Variants in FCRL4 observed in about 807,000 individuals in gnomAD.
FCRL4 encodes the protein Fc receptor-like protein 4.
FCRL4 carries 43 observed loss-of-function variants against 64.1 expected under a neutral mutation model. The ratio of observed to expected loss-of-function variants is 0.67; its 90% confidence interval spans 0.53 to 0.87. The LOEUF (loss-of-function observed/expected upper bound fraction) is 0.87, where lower values mean the gene tolerates loss of function less well. FCRL4 is among the 40% of genes least tolerant of loss of function. The pLI, the probability that FCRL4 is intolerant of heterozygous loss-of-function variation, is 0.00. For missense variants in FCRL4, 656 were observed against 613.5 expected, an observed-to-expected ratio of 1.07 and a Z score of -0.73; for synonymous variants, 253 against 239.8, an observed-to-expected ratio of 1.05 and a Z score of -0.51.
At chr1:157,596,435 T>C (rs1423325385) in intron 1 of FCRL4, 87 bp from the exon 2 acceptor site, 66 of 1,438,982 alleles carry the variant, frequency 4.6e-5, no homozygotes, top group Non-Finnish European at 6.3e-5. Flanking sequence ...ATATGCTACT[T>C]CCAACCAAGA....
Position 157,586,305 on chromosome 1 carries a change from C to T in FCRL4, c.998G>A (p.Gly333Glu). The T allele has an allele frequency of 6.2e-7, 1 of 1,613,940 alleles. No homozygotes were observed. Among genetic ancestry groups the T allele is most frequent in the Non-Finnish European group, 8.5e-7 (1 of 1,179,986 alleles). ...TCTCAGGGAACGCTGAGTTTTCCTC[C>T]CCAGACTCTCCTGCATGTCCTCTCG... ...WHREDMQESL[G>E]RKTQRSLRAE... The change falls in exon 6 of 12, where the codon GGG becomes GAG. Residue 333 changes from glycine (G) to glutamate (E), a missense_variant. Gly to Glu is a moderately conservative substitution (Grantham distance 98). Transcript: ENST00000271532.
chr1:157,577,365 T>G (rs1652439415), intron 10 of FCRL4, among the ~76,000 whole-genome samples: 1 of 152,202 alleles, frequency 6.6e-6, no homozygotes, highest in Non-Finnish European at 1.5e-5. Flanking sequence ...AAGATCTCAA[T>G]TTGTTAGTGG....
chr1:157,596,486 G>A (rs1652969590), intron 1 of FCRL4, 138 bp from the exon 2 acceptor site: 5 of 987,990 alleles, frequency 5.1e-6, no homozygotes, highest in Non-Finnish European at 4.7e-6. Flanking sequence ...CCAGGGAAGC[G>A]GGGAAACACA....
chr1:157,578,823 G>T lies in FCRL4; in HGVS notation c.1307C>A (p.Ser436Tyr). Residue 436 changes from serine to tyrosine, a missense_variant, in exon 9 of 12, where the codon TCC becomes TAC. Transcript: ENST00000271532. ...RLPPAPGPGE[S>Y]SHSICPAQVE... ...CTGGGCAGGGCAGATGGAATGGGAG[G>T]ACTCTCCTGGGCCTGGAGCGGGAGG... is the stretch of plus-strand genomic sequence containing the variant. 1.2e-6 allele frequency: 2 copies of T among 1,613,790 alleles called. No homozygotes were observed. The highest frequency in any genetic ancestry group is 1.1e-5 in the South Asian group (1 of 91,050).
rs545903780 is a variant in FCRL4 at position 157,580,258 on chromosome 1, C to T, written c.1277+63G>A. On this transcript the variant is annotated intron_variant, in intron 8 of 11. Coordinates refer to ENST00000271532, the MANE Select transcript of FCRL4 (RefSeq NM_031282.3). ...TATAACTTGACCTAATTTCATAACC[C>T]CACAGTTTTGCATATTGTGTACTCG... 3.6e-5 allele frequency: 57 copies of T among 1,568,538 alleles called. 1 individual carries two copies. In the African/African-American group the frequency reaches 7.7e-4, roughly 21 times the overall value.
intron 8 of FCRL4, 105 bp downstream of exon 8, chr1:157,580,216 C>A: frequency 8.2e-7 from 1 of 1,220,718 alleles, no homozygotes; most frequent in African/African-American, 1.5e-5. Context: ...AAGTATCTAG[C>A]CACAGGGCCA....
At chr1:157,586,521 T>A (rs767704834) in intron 5 of FCRL4, 66 bp from the exon 6 acceptor site, 2 of 1,477,388 alleles carry the variant, frequency 1.4e-6, no homozygotes, top group Non-Finnish European at 1.8e-6. Context: ...GTAGCTGGGG[T>A]GTTGGGCAGG....
At chr1:157,596,775 A>T (rs929077761) in intron 1 of FCRL4, among the ~76,000 whole-genome samples, 1 of 152,184 alleles carries the variant, frequency 6.6e-6, no homozygotes, top group Non-Finnish European at 1.5e-5. Flanking sequence ...AATGAGACAG[A>T]CAGTAGAGGG....
chr1:157,588,223 A>C, intron 3 of FCRL4, 104 bp from the exon 4 acceptor site: 1 of 1,384,724 alleles, frequency 7.2e-7, no homozygotes, highest in Non-Finnish European at 9.6e-7. Flanking sequence ...CTTCCACAGG[A>C]TGTAGTTTCC....
rs565065952 is a variant in FCRL4 at position 157,588,019 on chromosome 1, A to T, written c.408T>A (p.Tyr136Ter). 6.2e-7 allele frequency: 1 copy of T among 1,613,308 alleles called. No individual in the cohort carries two copies. The highest frequency in any genetic ancestry group is 1.3e-5 in the African/African-American group (1 of 75,056). ...RRKEKLTAVK[Y>*]TWNGNILSIS... ...TGGAAAGAATGTTTCCATTCCAAGT[A>T]TATTTCACAGCAGTCAATTTCTCTT... Residue 136 changes from tyrosine (Y) to a stop codon, truncating the protein, a stop_gained, in exon 4 of 12, where the codon TAT becomes TAA. Coordinates refer to ENST00000271532, the MANE Select transcript of FCRL4 (RefSeq NM_031282.3). LOFTEE classifies it high-confidence loss of function.
chr1:157,578,981 G>T, intron 8 of FCRL4, 129 bp from the exon 9 acceptor site: 1 of 693,384 alleles, frequency 1.4e-6, no homozygotes, highest in South Asian at 1.9e-5. Flanking sequence ...GAACTGGAAA[G>T]CCTGAATGGT....
chr1:157,584,553 A>G (rs1253457942), intron 6 of FCRL4, among the ~76,000 whole-genome samples: 1 of 151,766 alleles, frequency 6.6e-6, no homozygotes, highest in Non-Finnish European at 1.5e-5. Context: ...AAAAAAAGTC[A>G]TTGAAATGAC....
intron 10 of FCRL4, 93 bp downstream of exon 10, chr1:157,578,381 T>A: frequency 9.3e-7 from 1 of 1,072,984 alleles, no homozygotes; most frequent in Admixed American, 1.8e-5. Flanking sequence ...TTCCCATACT[T>A]ACAAGAATAC....
rs1338308967 is a variant in FCRL4, at chr1:157,575,745, A to T, written c.1430-15T>A. ...GGAGGTATTAGCTGTGGACAGAAAG[A>T]GAATCACTGGACTATGGGCATAATG... On this transcript the variant is annotated splice_polypyrimidine_tract_variant and intron_variant, in intron 10 of 11. Transcript: ENST00000271532. The T allele has an allele frequency of 6.2e-7, 1 of 1,613,260 alleles. No individual in the cohort carries two copies. Among genetic ancestry groups the T allele is most frequent in the African/African-American group, 1.3e-5 (1 of 74,882 alleles).
intron 6 of FCRL4, among the ~76,000 whole-genome samples, chr1:157,585,395 CTTCTTTCTTTCTTTCT>C (rs1171212642): frequency 1.2e-5 from 1 of 80,838 alleles, no homozygotes; most frequent in Admixed American, 1.4e-4. Context: ...TCTTTCTTTC[CTTCTTTCTTTCTTTCT>C]TTCTTTCTTT....
chr1:157,583,015 T>C (rs961154342), intron 6 of FCRL4, among the ~76,000 whole-genome samples: 1 of 152,234 alleles, frequency 6.6e-6, no homozygotes, highest in Non-Finnish European at 1.5e-5. Context: ...AAGAAATGGC[T>C]ACTTTGGGGA....
Position 157,578,555 on chromosome 1 carries a change from G to C in FCRL4, c.1361-13C>G, listed in dbSNP as rs375438653. 6.2e-7 allele frequency: 1 copy of C among 1,611,268 alleles called. No individual in the cohort carries two copies. Among genetic ancestry groups the C allele is most frequent in the African/African-American group, 1.3e-5 (1 of 74,854 alleles). On this transcript the variant is annotated splice_polypyrimidine_tract_variant and intron_variant, in intron 9 of 11. Coordinates refer to ENST00000271532, the MANE Select transcript of FCRL4 (RefSeq NM_031282.3). ...TTTTTGGGGTGTACTGGAAAGAAAAGACATTTTCAAGGCTGTTCCTGTTAG... is the reference window on the plus strand; with the variant it reads ...TTTTTGGGGTGTACTGGAAAGAAAACACATTTTCAAGGCTGTTCCTGTTAG...
intron 10 of FCRL4, 26 bp downstream of exon 10, chr1:157,578,448 G>A: frequency 6.3e-7 from 1 of 1,577,992 alleles, no homozygotes; most frequent in Non-Finnish European, 8.7e-7. Flanking sequence ...ATAGTTTGCA[G>A]CCAGAATCTC....
At chr1:157,579,721 T>C (rs1378739909) in intron 8 of FCRL4, among the ~76,000 whole-genome samples, 1 of 138,572 alleles carries the variant, frequency 7.2e-6, no homozygotes, top group African/African-American at 2.9e-5. Flanking sequence ...CATACATACA[T>C]ACATACATAC....
Sources: gnomAD v4.1 joint callset for allele counts (sites outside exome capture counted in the v4.1 genomes callset) on GRCh38, gnomAD v4.1.1 for gene constraint, MANE v1.5 for transcripts, NCBI Gene and HGNC (gene_info 2026-07-23, HGNC 2026-07-21) for gene names.